Variants in ROBO1 observed in about 807,000 individuals in gnomAD.
The protein encoded by ROBO1 is roundabout homolog 1.
Under a neutral mutation model 195.9 loss-of-function variants are expected in ROBO1, and 149 were observed. The ratio of observed to expected loss-of-function variants is 0.76; its 90% CI spans 0.67 to 0.87. ROBO1 has a LOEUF of 0.87. Ranked by LOEUF, ROBO1 falls within the 40% of genes least tolerant of loss-of-function variation. The pLI is 0.00. For missense variants in ROBO1, 1,933 were observed against 2,068.3 expected (o/e 0.93, Z 1.27); for synonymous variants, 816 against 733.2 (o/e 1.11, Z -1.82).
At chr3:79,332,150 G>GA (rs1350093101) in intron 2 of ROBO1, among the ~76,000 whole-genome samples, 26,317 of 94,544 alleles carry the variant, frequency 0.28, 2,875 homozygotes, top group African/African-American at 0.37. Flanking sequence ...CTCAAAAAAA[G>GA]AAAAAAAAAA....
At chr3:78,770,959 C>T (rs408455) in intron 4 of ROBO1, among the ~76,000 whole-genome samples, 146,921 of 152,108 alleles carry the variant, frequency 0.97, 71,156 homozygotes, top group East Asian at 1. Context: ...CCCAGCTACT[C>T]GGGATGCTGA....
At chr3:79,234,775 A>G (rs912135270) in intron 2 of ROBO1, among the ~76,000 whole-genome samples, 1 of 152,120 alleles carries the variant, frequency 6.6e-6, no homozygotes, top group African/African-American at 2.4e-5. Flanking sequence ...AACATTGGGT[A>G]CTCATGGACA....
chr3:79,741,537 T>C (rs1469189256), intron 1 of ROBO1, among the ~76,000 whole-genome samples: 1 of 152,194 alleles, frequency 6.6e-6, no homozygotes, highest in Non-Finnish European at 1.5e-5. Context: ...ATTTCTGATG[T>C]CCCTGGTAAT....
At chr3:79,366,036 T>C (rs1355549335) in intron 2 of ROBO1, among the ~76,000 whole-genome samples, 1 of 152,114 alleles carries the variant, frequency 6.6e-6, no homozygotes, top group African/African-American at 2.4e-5. Flanking sequence ...ATTCTACCTA[T>C]ACAAAGCCTT....
chr3:79,513,273 G>A (rs1374059762), intron 2 of ROBO1, among the ~76,000 whole-genome samples: 1 of 151,958 alleles, frequency 6.6e-6, no homozygotes, highest in African/African-American at 2.4e-5. Context: ...TAGAAAACTA[G>A]TAGATGACTT....
At chr3:79,101,552 A>G (rs1209597196) in intron 3 of ROBO1, among the ~76,000 whole-genome samples, 1 of 151,770 alleles carries the variant, frequency 6.6e-6, no homozygotes, top group South Asian at 2.1e-4. Context: ...GCTTCATATT[A>G]TCTCACTTGC....
chr3:78,606,287 C>A (rs1011203579), intron 29 of ROBO1, among the ~76,000 whole-genome samples: 3 of 152,210 alleles, frequency 2.0e-5, no homozygotes, highest in Non-Finnish European at 2.9e-5. Context: ...ATCCTCCCAT[C>A]TCAGCCTCCC....
At chr3:78,682,778 A>G (rs953256905) in intron 10 of ROBO1, among the ~76,000 whole-genome samples, 16 of 148,912 alleles carry the variant, frequency 1.1e-4, no homozygotes, top group African/African-American at 3.9e-4. Context: ...TTATAATAAT[A>G]TAATTTTATT....
At chr3:79,480,456 T>C (rs1335435993) in intron 2 of ROBO1, among the ~76,000 whole-genome samples, 5 of 152,164 alleles carry the variant, frequency 3.3e-5, no homozygotes, top group Non-Finnish European at 2.9e-5. Context: ...TTCATGTGCA[T>C]TTATTCCCCT....
intron 4 of ROBO1, among the ~76,000 whole-genome samples, chr3:78,891,254 A>G (rs1201364672): frequency 6.6e-6 from 1 of 152,202 alleles, no homozygotes; most frequent in South Asian, 2.1e-4. Context: ...GTGACTAAAA[A>G]CAATAGGCAA....
chr3:79,603,934 A>G (rs2107880675), intron 1 of ROBO1, among the ~76,000 whole-genome samples: 1 of 152,164 alleles, frequency 6.6e-6, no homozygotes, highest in South Asian at 2.1e-4. Flanking sequence ...TCCAGTTACC[A>G]AAGGATGATC....
intron 3 of ROBO1, among the ~76,000 whole-genome samples, chr3:79,006,770 A>C (rs964416400): frequency 2.8e-4 from 43 of 151,752 alleles, no homozygotes; most frequent in Non-Finnish European, 5.3e-4. Flanking sequence ...AAAAAAAAAA[A>C]AAAAAACAGA....
At chr3:79,490,202 G>A (rs1939379853) in intron 2 of ROBO1, among the ~76,000 whole-genome samples, 1 of 152,112 alleles carries the variant, frequency 6.6e-6, no homozygotes, top group African/African-American at 2.4e-5. Flanking sequence ...TAAAAATTGT[G>A]TATGGTATAT....
chr3:79,462,988 A>G (rs976170365), intron 2 of ROBO1, among the ~76,000 whole-genome samples: 19 of 152,210 alleles, frequency 1.2e-4, no homozygotes, highest in Admixed American at 3.9e-4. Context: ...ATGTCAAGTT[A>G]TTTAATGTTC....
intron 2 of ROBO1, among the ~76,000 whole-genome samples, chr3:79,203,219 T>C (rs990716718): frequency 6.6e-6 from 1 of 152,190 alleles, no homozygotes; most frequent in Non-Finnish European, 1.5e-5. Context: ...TGGAGGGTTA[T>C]TGCCCGGCCA....
intron 4 of ROBO1, among the ~76,000 whole-genome samples, chr3:78,786,418 T>C (rs1441380893): frequency 6.6e-6 from 1 of 152,220 alleles, no homozygotes; most frequent in Non-Finnish European, 1.5e-5. Context: ...GTCTGGATGA[T>C]GCTATTATAT....
At chr3:79,590,036 G>A in intron 1 of ROBO1, 75 bp from the exon 2 acceptor site, 2 of 593,964 alleles carry the variant, frequency 3.4e-6, no homozygotes, top group Non-Finnish European at 3.0e-6. Flanking sequence ...AAACATTGCA[G>A]TTCAAATAGA....
chr3:79,668,737 G>A (rs1301255158), intron 1 of ROBO1, among the ~76,000 whole-genome samples: 1 of 151,698 alleles, frequency 6.6e-6, no homozygotes, highest in Non-Finnish European at 1.5e-5. Context: ...TCAACAGACT[G>A]ACTTGGCAAC....
intron 3 of ROBO1, among the ~76,000 whole-genome samples, chr3:79,048,396 AC>A (rs1485394022): frequency 6.6e-6 from 1 of 152,062 alleles, no homozygotes; most frequent in Non-Finnish European, 1.5e-5. Context: ...TTCTTCCTTT[AC>A]CAGCTTTTCA....
Sources: gnomAD v4.1 joint callset for allele counts (sites outside exome capture counted in the v4.1 genomes callset) on GRCh38, gnomAD v4.1.1 for gene constraint, MANE v1.5 for transcripts, NCBI Gene and HGNC (gene_info 2026-07-23, HGNC 2026-07-21) for gene names.